CNTNAP2: variants seen among roughly 807,000 people sequenced by gnomAD.
CNTNAP2 encodes contactin associated protein 2, also known as contactin-associated protein-like 2.
A neutral mutation model predicts 155.2 loss-of-function variants in CNTNAP2; 98 were observed. That is an observed-to-expected ratio of 0.63 (90% CI 0.54 to 0.75). The LOEUF is 0.75. CNTNAP2 is among the 30% of genes least tolerant of loss of function. The probability of loss-of-function intolerance (pLI) is 0.00; values close to 1 mark genes in which losing one functional copy is unlikely to be tolerated. For missense variants in CNTNAP2, 1,727 were observed against 1,688.1 expected, an observed-to-expected ratio of 1.02 and a Z score of -0.40; for synonymous variants, 651 against 631.2, an observed-to-expected ratio of 1.03 and a Z score of -0.47.
chr7:146,497,071 A>G (rs942674843), intron 1 of CNTNAP2, among the ~76,000 whole-genome samples: 6 of 152,146 alleles, frequency 3.9e-5, no homozygotes, highest in African/African-American at 1.4e-4. Flanking sequence ...TGTTCATTTT[A>G]CAATTGTGAA....
intron 13 of CNTNAP2, among the ~76,000 whole-genome samples, chr7:147,890,902 A>C (rs1327564586): frequency 6.6e-6 from 1 of 152,292 alleles, no homozygotes; most frequent in South Asian, 2.1e-4. Flanking sequence ...ATTATAGTTA[A>C]TACAGTGCAT....
rs1252535967 is a variant in CNTNAP2, at chr7:146,132,811, G to C, written c.97+15838G>C. Among the ~76,000 whole-genome samples the C allele has an allele frequency of 2.0e-5, 3 of 147,614 alleles. No homozygotes were observed. The Admixed American group carries it at 2.0e-4, about 10-fold the overall frequency. On this transcript the variant is annotated intron_variant, in intron 1 of 23. Transcript: ENST00000361727. ...CCACATTTTCTTAATCCAGTCTATCGTTGTTGGACATTTGGGTTGGTTCCA... is the reference window on the plus strand; with the variant it reads ...CCACATTTTCTTAATCCAGTCTATCCTTGTTGGACATTTGGGTTGGTTCCA...
intron 2 of CNTNAP2, among the ~76,000 whole-genome samples, chr7:146,796,343 T>C (rs1353051738): frequency 6.6e-6 from 1 of 152,088 alleles, no homozygotes; most frequent in Non-Finnish European, 1.5e-5. Context: ...GTCACATCCA[T>C]CTCCCTGAGG....
chr7:146,217,906 T>G (rs1799139095), intron 1 of CNTNAP2, among the ~76,000 whole-genome samples: 1 of 152,208 alleles, frequency 6.6e-6, no homozygotes, highest in Non-Finnish European at 1.5e-5. Flanking sequence ...GATACTAGGC[T>G]TAATATATGG....
chr7:147,887,495 T>G (rs1165083310), intron 13 of CNTNAP2, among the ~76,000 whole-genome samples: 2 of 152,126 alleles, frequency 1.3e-5, no homozygotes, highest in Non-Finnish European at 2.9e-5. Context: ...ATAAAAATAA[T>G]TTTTAAAATC....
chr7:146,770,477 A>G (rs1321587730), intron 1 of CNTNAP2, among the ~76,000 whole-genome samples: 6 of 152,092 alleles, frequency 3.9e-5, no homozygotes, highest in Non-Finnish European at 8.8e-5. Context: ...TTATAATATG[A>G]TTATAGATTA....
At position 147,243,201 on chromosome 7, in the gene CNTNAP2, T is replaced by C. The variant is rs375550343; in HGVS notation, c.1349-56940T>C. On this transcript the variant is annotated intron_variant, in intron 8 of 23. Transcript: ENST00000361727. ...TTGGTAGAGATGGGGTTTCACCATG[T>C]TGGCCAGGCTGGTCTCGATCTCCTG... 1.8e-4 allele frequency among the ~76,000 whole-genome samples: 28 copies of C among 151,990 alleles called. 1 individual carries two copies. Among genetic ancestry groups the C allele is most frequent in the African/African-American group, 6.8e-4 (28 of 41,440 alleles).
rs565955802 is a variant in CNTNAP2, at chr7:146,640,144, T to C, written c.98-134127T>C. Among the ~76,000 whole-genome samples the C allele has an allele frequency of 3.3e-5, 5 of 152,356 alleles. No individual in the cohort carries two copies. In the East Asian group the frequency reaches 5.8e-4, roughly 18 times the overall value. On this transcript the variant is annotated intron_variant, in intron 1 of 23. Transcript: ENST00000361727. The stretch of plus-strand genomic sequence containing the variant: ...AAAAGCCTTAGCTTCTCATGAAATA[T>C]CTTAGCAAAACATTTTTATGTGAAA...
At chr7:147,637,466 A>G (rs73164393) in intron 12 of CNTNAP2, among the ~76,000 whole-genome samples, 10,951 of 152,228 alleles carry the variant, frequency 0.072, 407 homozygotes, top group African/African-American at 0.075. Context: ...ATGTACCAAA[A>G]TAAGACCAAA....
At chr7:147,829,501 C>T (rs1221167816) in intron 13 of CNTNAP2, among the ~76,000 whole-genome samples, 15 of 152,154 alleles carry the variant, frequency 9.9e-5, no homozygotes, top group Non-Finnish European at 2.2e-4. Context: ...CTTTACCAGG[C>T]ATTTCAGGTA....
intron 1 of CNTNAP2, among the ~76,000 whole-genome samples, chr7:146,135,328 A>C (rs1188722401): frequency 6.6e-6 from 1 of 152,156 alleles, no homozygotes; most frequent in Non-Finnish European, 1.5e-5. Flanking sequence ...AGAAAGATGT[A>C]GATACTCCAC....
intron 1 of CNTNAP2, among the ~76,000 whole-genome samples, chr7:146,246,348 T>C (rs989163999): frequency 4.6e-5 from 7 of 150,778 alleles, no homozygotes; most frequent in African/African-American, 1.5e-4. Flanking sequence ...TTAGTTAAAG[T>C]GTCTCGGCCT....
At chr7:147,365,396 A>C (rs56141976) in intron 9 of CNTNAP2, among the ~76,000 whole-genome samples, 5 of 129,482 alleles carry the variant, frequency 3.9e-5, no homozygotes, top group Admixed American at 1.5e-4. Flanking sequence ...AAAAAAAAAA[A>C]AAAAAAAAAA....
chr7:146,832,396 A>G (rs369157244), intron 2 of CNTNAP2, among the ~76,000 whole-genome samples: 1 of 151,220 alleles, frequency 6.6e-6, no homozygotes, highest in African/African-American at 2.4e-5. Flanking sequence ...GAAACTTCCA[A>G]TTTATCCCCA....
intron 12 of CNTNAP2, among the ~76,000 whole-genome samples, chr7:147,593,906 G>A (rs1357702259): frequency 6.6e-6 from 1 of 152,072 alleles, no homozygotes; most frequent in African/African-American, 2.4e-5. Context: ...TATAAAACAG[G>A]CTCTCTCCTA....
intron 5 of CNTNAP2, among the ~76,000 whole-genome samples, chr7:147,116,400 C>A (rs1406857381): frequency 6.6e-6 from 1 of 152,182 alleles, no homozygotes; most frequent in African/African-American, 2.4e-5. Context: ...TTGGGCTCTC[C>A]AAGGCCCACA....
chr7:146,911,368 G>A (rs985964621), intron 3 of CNTNAP2, among the ~76,000 whole-genome samples: 12 of 152,064 alleles, frequency 7.9e-5, no homozygotes, highest in East Asian at 1.9e-4. Flanking sequence ...TATGTTTATC[G>A]CGGCATTATT....
Position 146,576,182 on chromosome 7 carries a change from C to G in CNTNAP2, c.98-198089C>G, listed in dbSNP as rs116361899. On this transcript the variant is annotated intron_variant, in intron 1 of 23. Transcript: ENST00000361727. ...AATGGATAATTTGGGACATGTGACT[C>G]CCATGTGATACGGTGATAAGATTTG... Among the ~76,000 whole-genome samples, 958 of 152,272 alleles carry G rather than the reference C, an allele frequency of 6.3e-3. 6 individuals carry two copies. The highest frequency in any genetic ancestry group is 0.022 in the African/African-American group (914 of 41,566).
intron 1 of CNTNAP2, among the ~76,000 whole-genome samples, chr7:146,391,865 TCAGAAAAAATAATGAA>T (rs1795549605): frequency 6.6e-6 from 1 of 151,706 alleles, no homozygotes; most frequent in Non-Finnish European, 1.5e-5. Flanking sequence ...GAAGAGAGGA[TCAGAAAAAATAATGAA>T]CGTGTACTAG....
Sources: gnomAD v4.1 joint callset for allele counts (sites outside exome capture counted in the v4.1 genomes callset) on GRCh38, gnomAD v4.1.1 for gene constraint, MANE v1.5 for transcripts, NCBI Gene and HGNC (gene_info 2026-07-23, HGNC 2026-07-21) for gene names.